Variants in PRKD1 observed in about 807,000 individuals in gnomAD.
PRKD1 encodes protein kinase D1, also known as serine/threonine-protein kinase D1.
Under a neutral mutation model 95.9 loss-of-function variants are expected in PRKD1, and 63 were observed. The ratio of observed to expected loss-of-function variants is 0.66; its 90% CI spans 0.54 to 0.81. The LOEUF is 0.81. Among genes scored for constraint, PRKD1 ranks in the 30% least tolerant of loss-of-function variants. PRKD1 has a pLI of 0.00. For missense variants in PRKD1, 1,048 were observed against 1,165.3 expected (o/e 0.90, Z 1.47); for synonymous variants, 425 against 423.1 (o/e 1.00, Z -0.05).
intron 16 of PRKD1, chr14:29,591,385 A>G (rs1322735136): frequency 6.6e-6 from 1 of 152,190 alleles, no homozygotes; most frequent in African/African-American, 2.4e-5. Flanking sequence ...AACTTTGAAT[A>G]TCAGAAACTG....
chr14:29,698,795 C>A (rs1884671286), intron 2 of PRKD1, among the ~76,000 whole-genome samples: 1 of 151,942 alleles, frequency 6.6e-6, no homozygotes, highest in Non-Finnish European at 1.5e-5. Context: ...CAATAGCATC[C>A]AGGATCCTAT....
chr14:29,761,348 A>C (rs1887971812), intron 1 of PRKD1, among the ~76,000 whole-genome samples: 1 of 152,222 alleles, frequency 6.6e-6, no homozygotes, highest in Non-Finnish European at 1.5e-5. Context: ...ATTCATAAGT[A>C]ACTTGGGACT....
rs1330671371 is a variant in PRKD1, at chr14:29,899,625, TA to T, written c.264+27623del. ...TCACGCCACTGCACTCCATACTGGG[TA>T]ACAGAGAGAGATTGTGTCTCAAAAA... On this transcript the variant is annotated intron_variant, in intron 1 of 17. Transcript: ENST00000331968. Among the ~76,000 whole-genome samples, 4 of 152,150 alleles carry T rather than the reference TA, an allele frequency of 2.6e-5. No homozygotes were observed. In the South Asian group the frequency reaches 8.3e-4, roughly 32 times the overall value.
At chr14:29,614,501 G>A (rs796337832) in intron 13 of PRKD1, among the ~76,000 whole-genome samples, 15 of 151,980 alleles carry the variant, frequency 9.9e-5, no homozygotes, top group African/African-American at 3.4e-4. Context: ...AATTTAATTC[G>A]ATTTCATTAA....
Position 29,599,653 on chromosome 14 carries a change from T to C in PRKD1, c.2067+3A>G. On this transcript the variant is annotated splice_donor_region_variant and intron_variant, in intron 14 of 17. Coordinates refer to ENST00000331968, the MANE Select transcript of PRKD1 (RefSeq NM_002742.3). The stretch of plus-strand genomic sequence containing the variant: ...TTTTTTCCGTCTCTAATTGATTTCT[T>C]ACCTGAGTAATTAAAAACTTCGTTA... The C allele has an allele frequency of 6.2e-7, 1 of 1,607,538 alleles. No individual in the cohort carries two copies. The highest frequency in any genetic ancestry group is 8.5e-7 in the Non-Finnish European group (1 of 1,176,866).
rs569403421 is a variant in PRKD1 at position 29,676,135 on chromosome 14, A to C, written c.404-9927T>G. On this transcript the variant is annotated intron_variant, in intron 2 of 17. Transcript: ENST00000331968. Reference sequence around the variant, plus strand: ...AAGTATAATAAAAAATTTTTAAAAAAGTAAGTCATCTACATTGCTGTAGGC... The same window carrying C: ...AAGTATAATAAAAAATTTTTAAAAACGTAAGTCATCTACATTGCTGTAGGC... 1.6e-4 allele frequency among the ~76,000 whole-genome samples: 24 copies of C among 149,290 alleles called. 1 individual carries two copies. The South Asian group carries it at 5.1e-3, about 32-fold the overall frequency.
chr14:29,780,586 C>G (rs1352145987), intron 1 of PRKD1, among the ~76,000 whole-genome samples: 2 of 152,122 alleles, frequency 1.3e-5, no homozygotes, highest in South Asian at 2.1e-4. Flanking sequence ...AAACCACAAT[C>G]AGATACCAGC....
intron 1 of PRKD1, among the ~76,000 whole-genome samples, chr14:29,757,771 G>A (rs928595171): frequency 6.6e-6 from 1 of 152,096 alleles, no homozygotes; most frequent in African/African-American, 2.4e-5. Context: ...TTTAAAGGGA[G>A]TGAGAATGGA....
chr14:29,817,861 G>A (rs1166549393), intron 1 of PRKD1, among the ~76,000 whole-genome samples: 1 of 152,094 alleles, frequency 6.6e-6, no homozygotes, highest in African/African-American at 2.4e-5. Context: ...AAATTGTATA[G>A]CTTTGCCATT....
rs1457091198 is a variant in PRKD1, at chr14:29,693,620, C to A, written c.404-27412G>T. Among the ~76,000 whole-genome samples the A allele has an allele frequency of 5.1e-5, 7 of 135,944 alleles. No homozygotes were observed. In the East Asian group the frequency reaches 1.4e-3, roughly 27 times the overall value. 89.2% of individuals were successfully genotyped at this position (135,944 alleles called of 152,430 possible). ...TCCATGGACTGTAAGCACTTTATGA[C>A]CTCAGTCAAAAAAAAAAAAAACAAC... On this transcript the variant is annotated intron_variant, in intron 2 of 17. Transcript: ENST00000331968.
intron 1 of PRKD1, among the ~76,000 whole-genome samples, chr14:29,874,083 T>C (rs966295270): frequency 2.0e-5 from 3 of 152,220 alleles, no homozygotes; most frequent in African/African-American, 7.2e-5. Context: ...TTTTGCTTGG[T>C]TGTATACACA....
intron 13 of PRKD1, among the ~76,000 whole-genome samples, chr14:29,618,386 G>T (rs1879013257): frequency 6.6e-6 from 1 of 151,910 alleles, no homozygotes; most frequent in Admixed American, 6.6e-5. Flanking sequence ...TTCCTGAGTA[G>T]CTGGGACTAC....
chr14:29,878,616 G>A (rs1201623233), intron 1 of PRKD1, among the ~76,000 whole-genome samples: 1 of 152,146 alleles, frequency 6.6e-6, no homozygotes, highest in Admixed American at 6.5e-5. Flanking sequence ...ACATGGATGA[G>A]CCTTGAAAAC....
chr14:29,577,691 A>C (rs957636113), intron 17 of PRKD1, among the ~76,000 whole-genome samples: 2 of 152,194 alleles, frequency 1.3e-5, no homozygotes, highest in Non-Finnish European at 2.9e-5. Context: ...GTGGGCAATT[A>C]ATGTTTGCAG....
intron 1 of PRKD1, among the ~76,000 whole-genome samples, chr14:29,914,532 G>A (rs957454033): frequency 1.3e-5 from 2 of 152,100 alleles, no homozygotes; most frequent in African/African-American, 2.4e-5. Context: ...AGGCGGGTTC[G>A]AGACCAGCCT....
At chr14:29,795,732 A>G (rs1171050137) in intron 1 of PRKD1, among the ~76,000 whole-genome samples, 3 of 152,142 alleles carry the variant, frequency 2.0e-5, no homozygotes, top group Non-Finnish European at 4.4e-5. Flanking sequence ...TAAGACTTAG[A>G]ATGCAAAATG....
chr14:29,636,452 T>C lies in PRKD1; in HGVS notation c.1028A>G (p.Glu343Gly). The C allele has an allele frequency of 6.2e-7, 1 of 1,614,154 alleles. No homozygotes were observed. Among genetic ancestry groups the C allele is most frequent in the Non-Finnish European group, 8.5e-7 (1 of 1,180,024 alleles). The change falls in exon 7 of 18, where the codon GAA (glutamate) becomes GGA (glycine). Residue 343 changes from glutamate (E) to glycine (G), a missense_variant. This residue lies in a region of PRKD1 where 739 missense variants were observed against 861.9 expected (regional missense o/e 0.86). Transcript: ENST00000331968. ...TTCACTATCATTGTCATCACTCCCT[T>C]CTTCCATGACCACATCAGACTCTGC... ...PGAESDVVME[E>G]GSDDNDSERN...
intron 2 of PRKD1, among the ~76,000 whole-genome samples, chr14:29,671,632 A>G (rs1882847686): frequency 6.6e-6 from 1 of 152,214 alleles, no homozygotes; most frequent in Admixed American, 6.5e-5. Flanking sequence ...TAACATATCA[A>G]GAAGAAAACA....
chr14:29,920,958 G>T (rs746970400), intron 1 of PRKD1, among the ~76,000 whole-genome samples: 2 of 152,158 alleles, frequency 1.3e-5, no homozygotes, highest in African/African-American at 2.4e-5. Context: ...TCATTTCCAA[G>T]CACCTTCCTT....
Sources: allele counts gnomAD v4.1 joint callset (sites outside exome capture counted in the v4.1 genomes callset), GRCh38; gene constraint gnomAD v4.1.1; regional missense constraint gnomAD v4.1.1; transcripts MANE v1.5; gene names NCBI Gene and HGNC (gene_info 2026-07-23, HGNC 2026-07-21).